Variants in CTNNA3 observed in about 807,000 individuals in gnomAD.
CTNNA3 encodes catenin alpha 3.
Under a neutral mutation model 95.7 loss-of-function variants are expected in CTNNA3, and 76 were observed. The observed-to-expected ratio is 0.79, with a 90% CI of 0.66 to 0.96. CTNNA3 has a LOEUF of 0.96. Among genes scored for constraint, CTNNA3 ranks in the 40% least tolerant of loss-of-function variants. The pLI is 0.00. For missense variants in CTNNA3, 1,191 were observed against 1,089.8 expected (o/e 1.09, Z -1.31); for synonymous variants, 431 against 374.4 (o/e 1.15, Z -1.74).
intron 12 of CTNNA3, among the ~76,000 whole-genome samples, chr10:66,371,976 T>G (rs1165947165): frequency 6.6e-6 from 1 of 152,188 alleles, no homozygotes; most frequent in African/African-American, 2.4e-5. Context: ...ACCAGCTGTG[T>G]GGTCCAGTGT....
intron 1 of CTNNA3, among the ~76,000 whole-genome samples, chr10:67,747,316 C>A (rs1841379612): frequency 6.6e-6 from 1 of 152,024 alleles, no homozygotes; most frequent in Non-Finnish European, 1.5e-5. Flanking sequence ...GGATCCCATG[C>A]CCCCCAACAG....
At chr10:67,652,339 G>T (rs1305807547) in intron 1 of CTNNA3, among the ~76,000 whole-genome samples, 1 of 152,190 alleles carries the variant, frequency 6.6e-6, no homozygotes. Context: ...TTTCTGGCAG[G>T]TCTACCATTT....
chr10:66,728,968 G>A (rs1294733422), intron 9 of CTNNA3, among the ~76,000 whole-genome samples: 1 of 152,160 alleles, frequency 6.6e-6, no homozygotes, highest in East Asian at 1.9e-4. Flanking sequence ...TTCTGCATAT[G>A]ACTAGCCAGC....
At chr10:66,834,924 T>G (rs1842840280) in intron 7 of CTNNA3, among the ~76,000 whole-genome samples, 2 of 152,108 alleles carry the variant, frequency 1.3e-5, no homozygotes, top group Admixed American at 6.5e-5. Flanking sequence ...GTAAATTCTA[T>G]TCAAAGAAAA....
chr10:66,126,180 A>G (rs1266878427), intron 13 of CTNNA3, among the ~76,000 whole-genome samples: 1 of 152,232 alleles, frequency 6.6e-6, no homozygotes, highest in Non-Finnish European at 1.5e-5. Context: ...AGGAATTACC[A>G]GTAAGCAATA....
intron 13 of CTNNA3, among the ~76,000 whole-genome samples, chr10:66,130,056 A>G (rs1341281177): frequency 7.2e-5 from 11 of 152,064 alleles, no homozygotes; most frequent in Non-Finnish European, 1.5e-4. Flanking sequence ...CCCCTGTGCC[A>G]ACACTGCCAT....
chr10:67,714,048 A>G (rs1279281651), intron 1 of CTNNA3, among the ~76,000 whole-genome samples: 1 of 152,216 alleles, frequency 6.6e-6, no homozygotes, highest in East Asian at 1.9e-4. Flanking sequence ...AGTTTGCTGC[A>G]GGGGCAGGGC....
At chr10:66,387,641 C>T (rs561469459) in intron 11 of CTNNA3, among the ~76,000 whole-genome samples, 144 of 152,258 alleles carry the variant, frequency 9.5e-4, no homozygotes, top group African/African-American at 2.9e-3. Context: ...AAGACACATG[C>T]ACACGTATGT....
At chr10:66,915,970 A>G (rs985397869) in intron 7 of CTNNA3, among the ~76,000 whole-genome samples, 3 of 152,044 alleles carry the variant, frequency 2.0e-5, no homozygotes, top group Non-Finnish European at 4.4e-5. Flanking sequence ...GATGGTCTCA[A>G]TCTCTTGACC....
chr10:66,257,368 C>G (rs2090828980), intron 13 of CTNNA3, among the ~76,000 whole-genome samples: 1 of 152,214 alleles, frequency 6.6e-6, no homozygotes. Context: ...TTTACACTGC[C>G]ACTCCCTTGT....
chr10:67,729,931 A>C (rs61869473), intron 1 of CTNNA3, among the ~76,000 whole-genome samples: 17 of 152,326 alleles, frequency 1.1e-4, no homozygotes, highest in African/African-American at 4.1e-4. Context: ...CACAACTTTC[A>C]AAACTTTCAA....
intron 12 of CTNNA3, among the ~76,000 whole-genome samples, chr10:66,363,339 G>T (rs144933631): frequency 6.6e-6 from 1 of 152,244 alleles, no homozygotes; most frequent in Non-Finnish European, 1.5e-5. Flanking sequence ...GAGGTAATTA[G>T]GTCATAAAGG....
At chr10:66,700,045 A>T (rs898660434) in intron 9 of CTNNA3, among the ~76,000 whole-genome samples, 3 of 151,480 alleles carry the variant, frequency 2.0e-5, no homozygotes, top group African/African-American at 7.3e-5. Flanking sequence ...TATTTTAGAG[A>T]TTATTAACTC....
At chr10:67,576,979 G>C (rs1023395772) in intron 3 of CTNNA3, among the ~76,000 whole-genome samples, 1 of 145,612 alleles carries the variant, frequency 6.9e-6, no homozygotes. Flanking sequence ...TTGGTTCCAA[G>C]TCTTTGCTCT....
At position 67,752,810 on chromosome 10, in the gene CTNNA3, C is replaced by T. The variant is rs555847911; in HGVS notation, c.-2+10624G>A. On this transcript the variant is annotated intron_variant, in intron 1 of 17. Transcript: ENST00000684154. The stretch of plus-strand genomic sequence containing the variant: ...AGGAGAACTACAAACCACTGCTCAA[C>T]GAAATAAGAGAGGACACAAACAAAT... 9.2e-4 allele frequency among the ~76,000 whole-genome samples: 140 copies of T among 152,004 alleles called. 1 individual carries two copies. The highest frequency in any genetic ancestry group is 5.6e-3 in the South Asian group (27 of 4,826).
intron 5 of CTNNA3, among the ~76,000 whole-genome samples, chr10:67,355,771 G>A (rs1380148272): frequency 6.6e-6 from 1 of 152,020 alleles, no homozygotes; most frequent in East Asian, 1.9e-4. Context: ...GTTTAAAAAT[G>A]TTGATTACTT....
At chr10:66,861,219 C>T (rs903725070) in intron 7 of CTNNA3, among the ~76,000 whole-genome samples, 2 of 152,172 alleles carry the variant, frequency 1.3e-5, no homozygotes, top group East Asian at 1.9e-4. Flanking sequence ...ATAGGAATTA[C>T]AGTAGAACCT....
rs892111224 is a variant in CTNNA3 at position 66,819,407 on chromosome 10, T to A, written c.1048-43883A>T. ...AATATTTATAAGAAAACATTAAGTA[T>A]AAATTTCTTGGCTTTGGATTAGTCA... On this transcript the variant is annotated intron_variant, in intron 7 of 17. Coordinates refer to ENST00000433211, the MANE Select transcript of CTNNA3 (RefSeq NM_013266.4). Among the ~76,000 whole-genome samples, 10 of 152,222 alleles carry A rather than the reference T, an allele frequency of 6.6e-5. No homozygotes were observed. In the South Asian group the frequency reaches 1.2e-3, roughly 19 times the overall value.
At chr10:66,896,742 C>T (rs1453987433) in intron 7 of CTNNA3, among the ~76,000 whole-genome samples, 4 of 152,214 alleles carry the variant, frequency 2.6e-5, no homozygotes, top group African/African-American at 7.2e-5. Context: ...CGTCCATGCT[C>T]TCATTTCATC....
Sources: gnomAD v4.1 joint callset for allele counts (sites outside exome capture counted in the v4.1 genomes callset) on GRCh38, gnomAD v4.1.1 for gene constraint, MANE v1.5 for transcripts, NCBI Gene and HGNC (gene_info 2026-07-23, HGNC 2026-07-21) for gene names.